The following AUTS2 variants were observed in gnomAD, a reference collection of about 807,000 sequenced individuals.
The protein encoded by AUTS2 is activator of transcription and developmental regulator AUTS2, also known as autism susceptibility gene 2 protein.
In AUTS2, 17 loss-of-function variants were observed where a neutral mutation model predicts 112.4. That is an observed-to-expected ratio of 0.15 (90% CI 0.10 to 0.23). AUTS2 has a LOEUF of 0.23. Among genes scored for constraint, AUTS2 ranks in the 10% least tolerant of loss-of-function variants. The pLI is 1.00. For synonymous variants in AUTS2, 751 were observed against 702.7 expected (o/e 1.07, Z -1.09); for missense variants, 1,510 against 1,701.6 (o/e 0.89, Z 1.98).
chr7:70,310,863 T>G (rs1789715923), intron 4 of AUTS2, among the ~76,000 whole-genome samples: 1 of 152,182 alleles, frequency 6.6e-6, no homozygotes, highest in Non-Finnish European at 1.5e-5. Context: ...GCCAAAATGA[T>G]GGTATCGTCC....
chr7:70,781,251 C>T lies in AUTS2; in HGVS notation c.2005-364C>T, dbSNP rs180921540. Among the ~76,000 whole-genome samples the T allele has an allele frequency of 8.6e-5, 13 of 150,792 alleles. 1 individual carries two copies. The East Asian group carries it at 2.2e-3, about 25-fold the overall frequency. ...TGGGAGGCACCTGTAATCCCAGCTA[C>T]TTGGGAGGCTGAGGCAGGAGAAGCA... On this transcript the variant is annotated intron_variant, in intron 14 of 18. Coordinates refer to ENST00000342771, the MANE Select transcript of AUTS2 (RefSeq NM_015570.4).
At chr7:70,397,897 A>C (rs1794158173) in intron 4 of AUTS2, among the ~76,000 whole-genome samples, 4 of 152,192 alleles carry the variant, frequency 2.6e-5, no homozygotes. Context: ...TTTAAATTTC[A>C]GTCTCCAATT....
At chr7:70,640,611 A>G (rs1158929014) in intron 5 of AUTS2, among the ~76,000 whole-genome samples, 5 of 151,594 alleles carry the variant, frequency 3.3e-5, no homozygotes, top group African/African-American at 9.7e-5. Context: ...GTAAGAGACC[A>G]ACTGAGACAC....
At chr7:70,362,190 G>T (rs1792300701) in intron 4 of AUTS2, among the ~76,000 whole-genome samples, 1 of 152,122 alleles carries the variant, frequency 6.6e-6, no homozygotes, top group Non-Finnish European at 1.5e-5. Flanking sequence ...GTGTTTACAT[G>T]GATGACAATT....
At chr7:70,171,448 A>G (rs891061714) in intron 4 of AUTS2, among the ~76,000 whole-genome samples, 2 of 152,210 alleles carry the variant, frequency 1.3e-5, no homozygotes, top group East Asian at 1.9e-4. Flanking sequence ...CCTCCTTTTC[A>G]TTAGTATTTG....
At chr7:70,385,200 C>T (rs1793555928) in intron 4 of AUTS2, among the ~76,000 whole-genome samples, 1 of 152,176 alleles carries the variant, frequency 6.6e-6, no homozygotes, top group Admixed American at 6.5e-5. Context: ...CTAAACTGTT[C>T]TCCCTAAAGA....
chr7:69,751,725 G>A (rs1787746047), intron 1 of AUTS2, among the ~76,000 whole-genome samples: 1 of 152,186 alleles, frequency 6.6e-6, no homozygotes, highest in Non-Finnish European at 1.5e-5. Flanking sequence ...GTCATCATGA[G>A]GAAGTATAGT....
intron 4 of AUTS2, among the ~76,000 whole-genome samples, chr7:70,235,520 T>C (rs1471990653): frequency 6.6e-6 from 1 of 152,212 alleles, no homozygotes; most frequent in African/African-American, 2.4e-5. Flanking sequence ...CTGTTTTCTT[T>C]CCTATACTAC....
intron 10 of AUTS2, among the ~76,000 whole-genome samples, chr7:70,768,911 G>A (rs908253513): frequency 1.6e-5 from 2 of 126,474 alleles, no homozygotes; most frequent in South Asian, 5.0e-4. Flanking sequence ...CCAGAAAAAA[G>A]AGAAGGTTAA....
At chr7:69,644,638 C>T (rs1226450840) in intron 1 of AUTS2, among the ~76,000 whole-genome samples, 1 of 152,102 alleles carries the variant, frequency 6.6e-6, no homozygotes, top group African/African-American at 2.4e-5. Context: ...TCTGCAATTT[C>T]CCTAATTGTA....
intron 2 of AUTS2, among the ~76,000 whole-genome samples, chr7:70,042,675 A>C (rs1256644771): frequency 6.6e-6 from 1 of 152,142 alleles, no homozygotes; most frequent in Non-Finnish European, 1.5e-5. Flanking sequence ...TTATTCTGGA[A>C]CTTTCTTCGG....
intron 4 of AUTS2, among the ~76,000 whole-genome samples, chr7:70,137,762 G>A (rs1806646996): frequency 6.6e-6 from 1 of 152,126 alleles, no homozygotes; most frequent in Non-Finnish European, 1.5e-5. Flanking sequence ...AATAAGTACT[G>A]CCTTCTGTTA....
At chr7:69,835,335 A>G (rs920157830) in intron 1 of AUTS2, among the ~76,000 whole-genome samples, 1 of 152,110 alleles carries the variant, frequency 6.6e-6, no homozygotes, top group Non-Finnish European at 1.5e-5. Flanking sequence ...AATCCATGGC[A>G]TATCTGTGAC....
chr7:70,308,025 A>G (rs1789565762), intron 4 of AUTS2, among the ~76,000 whole-genome samples: 1 of 152,200 alleles, frequency 6.6e-6, no homozygotes, highest in Admixed American at 6.6e-5. Flanking sequence ...TTGCTTTGGT[A>G]TAGAAGTTTT....
intron 4 of AUTS2, among the ~76,000 whole-genome samples, chr7:70,228,851 G>A (rs1183535709): frequency 6.6e-6 from 1 of 151,778 alleles, no homozygotes; most frequent in Non-Finnish European, 1.5e-5. Context: ...TTAAGACAAA[G>A]ACAAGAAAAT....
intron 4 of AUTS2, among the ~76,000 whole-genome samples, chr7:70,237,349 T>C (rs1812380262): frequency 6.6e-6 from 1 of 152,190 alleles, no homozygotes; most frequent in Non-Finnish European, 1.5e-5. Flanking sequence ...TAAAATACAA[T>C]TACCTTTAAT....
intron 2 of AUTS2, among the ~76,000 whole-genome samples, chr7:69,957,351 C>CA (rs1324014739): frequency 3.3e-5 from 5 of 151,534 alleles, no homozygotes; most frequent in Non-Finnish European, 7.4e-5. Context: ...GGGAGTCAGA[C>CA]AAAAAATTGA....
At chr7:69,638,129 C>T (rs901705914) in intron 1 of AUTS2, among the ~76,000 whole-genome samples, 3 of 152,344 alleles carry the variant, frequency 2.0e-5, no homozygotes, top group Admixed American at 6.5e-5. Context: ...AATGATCCTC[C>T]TGCTTCAGCC....
chr7:70,136,332 A>G (rs1806560433), intron 4 of AUTS2, among the ~76,000 whole-genome samples: 1 of 152,212 alleles, frequency 6.6e-6, no homozygotes, highest in South Asian at 2.1e-4. Flanking sequence ...ATGTGTATTC[A>G]GCTTTCAACT....
Sources: allele counts gnomAD v4.1 joint callset (sites outside exome capture counted in the v4.1 genomes callset), GRCh38; gene constraint gnomAD v4.1.1; transcripts MANE v1.5; gene names NCBI Gene and HGNC (gene_info 2026-07-23, HGNC 2026-07-21).